The following PCDH15 variants were observed in gnomAD, a reference collection of about 807,000 sequenced individuals.
PCDH15 encodes protocadherin related 15, also known as protocadherin-15.
PCDH15 carries 129 observed loss-of-function variants against 178.5 expected under a neutral mutation model. That is an observed-to-expected ratio of 0.72 (90% CI 0.63 to 0.84). PCDH15 has a LOEUF of 0.84. PCDH15 is among the 40% of genes least tolerant of loss of function. The pLI, the probability that PCDH15 is intolerant of heterozygous loss-of-function variation, is 0.00. For missense variants in PCDH15, 2,230 were observed against 2,099.9 expected, an observed-to-expected ratio of 1.06 and a Z score of -1.21; for synonymous variants, 800 against 732.0, an observed-to-expected ratio of 1.09 and a Z score of -1.50.
chr10:54,366,285 C>T (rs1024686862), intron 5 of PCDH15, among the ~76,000 whole-genome samples: 5 of 152,026 alleles, frequency 3.3e-5, no homozygotes, highest in African/African-American at 1.2e-4. Flanking sequence ...AATATTTTGA[C>T]ATTAACAATC....
At chr10:55,625,322 A>G (rs560554604) in intron 2 of PCDH15, among the ~76,000 whole-genome samples, 1 of 152,288 alleles carries the variant, frequency 6.6e-6, no homozygotes, top group East Asian at 1.9e-4. Context: ...ATAGAAGAAA[A>G]CAAGAAAATT....
At chr10:54,352,352 A>G (rs1435144593) in intron 5 of PCDH15, among the ~76,000 whole-genome samples, 1 of 152,166 alleles carries the variant, frequency 6.6e-6, no homozygotes, top group East Asian at 1.9e-4. Context: ...GACAATTGGT[A>G]CAAAAGGATA....
intron 3 of PCDH15, among the ~76,000 whole-genome samples, chr10:54,406,897 T>G (rs1381352581): frequency 6.6e-6 from 1 of 151,888 alleles, no homozygotes; most frequent in Non-Finnish European, 1.5e-5. Context: ...ATATTAGAGT[T>G]TCTTAAAAAT....
chr10:54,287,540 G>T (rs976182252), intron 8 of PCDH15, among the ~76,000 whole-genome samples: 2 of 152,042 alleles, frequency 1.3e-5, no homozygotes, highest in African/African-American at 4.8e-5. Context: ...AGAGGTTTTT[G>T]ATAATGTCAG....
rs573781935 is a variant in PCDH15 at position 53,913,588 on chromosome 10, A to T, written c.3374-10218T>A. Among the ~76,000 whole-genome samples the T allele has an allele frequency of 3.7e-3, 561 of 151,808 alleles. 1 individual carries two copies. The highest frequency in any genetic ancestry group is 0.013 in the African/African-American group (546 of 41,414). On this transcript the variant is annotated intron_variant, in intron 25 of 37. Transcript: ENST00000644397. ...CTCCACTAAAAGATACAAAAAAAAA[A>T]AAAAAATTAGCTGGGCATTGTGGTG... is the stretch of plus-strand genomic sequence containing the variant.
intron 2 of PCDH15, among the ~76,000 whole-genome samples, chr10:55,383,854 G>T (rs1056030738): frequency 2.0e-5 from 3 of 152,092 alleles, no homozygotes; most frequent in African/African-American, 7.2e-5. Context: ...GAAGAAACCA[G>T]ATGTTTGCAC....
intron 1 of PCDH15, among the ~76,000 whole-genome samples, chr10:54,768,866 A>T (rs1948791819): frequency 6.6e-6 from 1 of 152,126 alleles, no homozygotes; most frequent in African/African-American, 2.4e-5. Context: ...AGCTGTCTTT[A>T]GTTTCCTGCA....
At chr10:55,291,412 T>C (rs1172460405) in intron 1 of PCDH15, among the ~76,000 whole-genome samples, 9 of 152,196 alleles carry the variant, frequency 5.9e-5, no homozygotes, top group Non-Finnish European at 1.0e-4. Flanking sequence ...TATTACTATC[T>C]GATGTTAAGC....
intron 2 of PCDH15, among the ~76,000 whole-genome samples, chr10:54,607,688 G>A (rs977774520): frequency 6.6e-6 from 1 of 151,812 alleles, no homozygotes; most frequent in Non-Finnish European, 1.5e-5. Context: ...GGGTAATGGA[G>A]ATTTTAAAAT....
At chr10:54,776,843 T>C (rs1300836794) in intron 1 of PCDH15, among the ~76,000 whole-genome samples, 1 of 152,094 alleles carries the variant, frequency 6.6e-6, no homozygotes, top group African/African-American at 2.4e-5. Flanking sequence ...ACCAAGAAGC[T>C]GTCCCAGTAT....
chr10:55,624,485 G>A (rs775225403), intron 2 of PCDH15, among the ~76,000 whole-genome samples: 17 of 150,626 alleles, frequency 1.1e-4, no homozygotes, highest in Non-Finnish European at 1.9e-4. Flanking sequence ...AATGTCAGTT[G>A]ACTAAAGTGG....
At chr10:55,561,181 T>C (rs1842191211) in intron 2 of PCDH15, among the ~76,000 whole-genome samples, 1 of 151,864 alleles carries the variant, frequency 6.6e-6, no homozygotes, top group African/African-American at 2.4e-5. Context: ...TAAAAGTACA[T>C]GTCTAAAAAG....
At chr10:55,543,870 GTTCC>G (rs1841818001) in intron 2 of PCDH15, among the ~76,000 whole-genome samples, 2 of 151,192 alleles carry the variant, frequency 1.3e-5, no homozygotes, top group Admixed American at 6.6e-5. Flanking sequence ...AAATTTCTGT[GTTCC>G]TTCCTTCCTT....
intron 15 of PCDH15, among the ~76,000 whole-genome samples, chr10:54,131,733 C>G (rs186425674): frequency 1.9e-4 from 29 of 152,254 alleles, no homozygotes; most frequent in Non-Finnish European, 2.6e-4. Context: ...TAGGATATAA[C>G]AGAAATAGCC....
chr10:53,993,459 A>G (rs541203679), intron 21 of PCDH15, among the ~76,000 whole-genome samples: 18 of 152,190 alleles, frequency 1.2e-4, no homozygotes, highest in Non-Finnish European at 2.1e-4. Context: ...AAATAAACCT[A>G]CAGTGTTAAG....
At chr10:54,512,664 GT>G (rs34327926) in intron 3 of PCDH15, among the ~76,000 whole-genome samples, 12,079 of 151,828 alleles carry the variant, frequency 0.08, 747 homozygotes, top group Non-Finnish European at 0.11. Context: ...TTTCTTAGAG[GT>G]TTTAAATAAA....
chr10:55,018,382 T>A (rs1296030656), intron 2 of PCDH15, among the ~76,000 whole-genome samples: 1 of 152,156 alleles, frequency 6.6e-6, no homozygotes, highest in Non-Finnish European at 1.5e-5. Context: ...TCCTCCCTTA[T>A]ACTTGAAATC....
Position 55,162,930 on chromosome 10 carries a change from G to A in PCDH15, c.-80+3646C>T, listed in dbSNP as rs74136375. ...AGCTGCAACTTCTCTAATTATTTTT[G>A]TAATTAACATCACTATTTCAGAACC... On this transcript the variant is annotated intron_variant, in intron 2 of 5. Coordinates refer to the PCDH15 transcript ENST00000458638. Among the ~76,000 whole-genome samples, 780 of 152,174 alleles carry A rather than the reference G, an allele frequency of 5.1e-3. 7 individuals carry two copies. The highest frequency in any genetic ancestry group is 0.018 in the African/African-American group (758 of 41,522).
chr10:53,957,641 G>GCCATA (rs1469964844), intron 23 of PCDH15, among the ~76,000 whole-genome samples: 4 of 151,850 alleles, frequency 2.6e-5, no homozygotes, highest in African/African-American at 9.7e-5. Context: ...TACTCAGAAT[G>GCCATA]CCATACAATT....
Sources: gnomAD v4.1 joint callset for allele counts (sites outside exome capture counted in the v4.1 genomes callset) on GRCh38, gnomAD v4.1.1 for gene constraint, MANE v1.5 for transcripts, NCBI Gene and HGNC (gene_info 2026-07-23, HGNC 2026-07-21) for gene names.